Variants in STRBP observed in about 807,000 individuals in gnomAD.
The protein encoded by STRBP is spermatid perinuclear RNA-binding protein.
Under a neutral mutation model 80.1 loss-of-function variants are expected in STRBP, and 13 were observed. That is an observed-to-expected ratio of 0.16 (90% CI 0.11 to 0.26). STRBP has a LOEUF of 0.26. Among genes scored for constraint, STRBP ranks in the 10% least tolerant of loss-of-function variants. The pLI, the probability that STRBP is intolerant of heterozygous loss-of-function variation, is 1.00. For missense variants in STRBP, 485 were observed against 815.2 expected, an observed-to-expected ratio of 0.59 and a Z score of 4.93; for synonymous variants, 284 against 291.2, an observed-to-expected ratio of 0.98 and a Z score of 0.25.
chr9:123,243,265 C>CATAAAAAAAAA (rs2040733497), intron 1 of STRBP, among the ~76,000 whole-genome samples: 1 of 78,952 alleles, frequency 1.3e-5, no homozygotes, highest in African/African-American at 3.7e-5. Flanking sequence ...ATCAATAAGA[C>CATAAAAAAAAA]AAAAAAAAAA....
chr9:123,199,475 T>G (rs774560850), intron 2 of STRBP, among the ~76,000 whole-genome samples: 1 of 152,234 alleles, frequency 6.6e-6, no homozygotes, highest in African/African-American at 2.4e-5. Flanking sequence ...TTGGGCAGTA[T>G]AGTCATTTTC....
intron 2 of STRBP, among the ~76,000 whole-genome samples, chr9:123,199,872 C>A (rs1284964456): frequency 6.6e-6 from 1 of 152,102 alleles, no homozygotes; most frequent in Non-Finnish European, 1.5e-5. Context: ...TTTCTCTTGC[C>A]TAACTGATCT....
At chr9:123,128,345 C>T in intron 17 of STRBP, 87 bp from the exon 18 acceptor site, 1 of 1,487,008 alleles carries the variant, frequency 6.7e-7, no homozygotes. Context: ...TGCTCAGCAC[C>T]CTGGGCCCGG....
chr9:123,242,293 C>T (rs1470552651), intron 1 of STRBP, among the ~76,000 whole-genome samples: 1 of 152,214 alleles, frequency 6.6e-6, no homozygotes. Context: ...ACCTTTACCA[C>T]TGTATTCTGG....
At chr9:123,218,355 CTTTTTTTT>C (rs10689260) in intron 2 of STRBP, among the ~76,000 whole-genome samples, 1 of 102,436 alleles carries the variant, frequency 9.8e-6, no homozygotes, top group Non-Finnish European at 1.8e-5. Flanking sequence ...TTAAATATGA[CTTTTTTTT>C]TTTTTTTTTT....
At chr9:123,199,470 C>A (rs2039230036) in intron 2 of STRBP, among the ~76,000 whole-genome samples, 1 of 152,110 alleles carries the variant, frequency 6.6e-6, no homozygotes, top group Non-Finnish European at 1.5e-5. Context: ...TTGCTTTGGG[C>A]AGTATAGTCA....
At chr9:123,235,037 T>C (rs1054495853) in intron 2 of STRBP, among the ~76,000 whole-genome samples, 1 of 150,700 alleles carries the variant, frequency 6.6e-6, no homozygotes, top group African/African-American at 2.5e-5. Flanking sequence ...TAAATACAAG[T>C]GAACACCGGA....
At chr9:123,168,136 C>T in intron 6 of STRBP, 1 of 745,218 alleles carries the variant, frequency 1.3e-6, no homozygotes, top group South Asian at 6.1e-5. Context: ...AATTACAACA[C>T]TACTTAGAAA....
intron 1 of STRBP, among the ~76,000 whole-genome samples, chr9:123,265,084 T>TA (rs1373605655): frequency 6.6e-6 from 1 of 152,174 alleles, no homozygotes; most frequent in Non-Finnish European, 1.5e-5. Flanking sequence ...CATTATACTC[T>TA]AAAAATCTTT....
intron 3 of STRBP, chr9:123,114,142 C>T (rs1014724562): frequency 2.4e-5 from 4 of 167,064 alleles, no homozygotes; most frequent in Non-Finnish European, 5.9e-5. Context: ...TGACAGGATC[C>T]GTGTCCACAG....
intron 2 of STRBP, among the ~76,000 whole-genome samples, chr9:123,217,536 G>GT (rs1340548696): frequency 6.6e-6 from 1 of 152,120 alleles, no homozygotes; most frequent in African/African-American, 2.4e-5. Flanking sequence ...TACAACCTAA[G>GT]AACAGCACCA....
chr9:123,189,707 G>A (rs1238605871), intron 2 of STRBP, among the ~76,000 whole-genome samples: 2 of 151,696 alleles, frequency 1.3e-5, no homozygotes, highest in African/African-American at 4.8e-5. Flanking sequence ...GTGGGGTGGG[G>A]GGCTGGGGGA....
chr9:123,266,489 T>C (rs2041269309), intron 1 of STRBP, among the ~76,000 whole-genome samples: 2 of 152,000 alleles, frequency 1.3e-5, no homozygotes, highest in African/African-American at 4.8e-5. Context: ...CCTCTCCATT[T>C]AGTTATTTTT....
Position 123,174,692 on chromosome 9 carries a change from G to A in STRBP, c.225-850C>T, listed in dbSNP as rs145919683. Among the ~76,000 whole-genome samples the A allele has an allele frequency of 3.3e-4, 50 of 152,208 alleles. 1 individual carries two copies. In the East Asian group the frequency reaches 9.5e-3, roughly 29 times the overall value. ...GCTTATGGGGAAAGCAGAAAAATGTGATAAAAGTATAGAGCTAAGGAAGGA... is the reference window on the plus strand; with the variant it reads ...GCTTATGGGGAAAGCAGAAAAATGTAATAAAAGTATAGAGCTAAGGAAGGA... On this transcript the variant is annotated intron_variant, in intron 4 of 18. Transcript: ENST00000348403.
At chr9:123,213,786 A>T (rs7855184) in intron 2 of STRBP, 5 of 152,112 alleles carry the variant, frequency 3.3e-5, no homozygotes, top group Admixed American at 1.3e-4. Flanking sequence ...TTAGCCAGGC[A>T]TGGTGGTGCG....
In STRBP at chr9:123,136,151, C is replaced by T. The variant is rs759109186; in HGVS notation, c.1663G>A (p.Ala555Thr). 6.2e-6 allele frequency: 10 copies of T among 1,614,056 alleles called. No individual in the cohort carries two copies. The East Asian group carries it at 1.3e-4, about 22-fold the overall frequency. Residue 555 changes from alanine to threonine, a missense_variant, in exon 16 of 19, where the codon GCA becomes ACA. This residue lies in a region of STRBP where 23 missense variants were observed against 79.0 expected (regional missense o/e 0.29). Transcript: ENST00000348403. This position sits in a 1 kb window ranked among gnomAD's most constrained non-coding sequence, Gnocchi z 4.2. ...VEVDGQKFRG[A>T]GPNKKVAKAS... The stretch of plus-strand genomic sequence containing the variant: ...TTTGCCACTTTCTTATTTGGACCTG[C>T]GCCTCTGAATTTCTGTCCATCTACT...
chr9:123,160,781 T>C (rs1253751601), intron 7 of STRBP, among the ~76,000 whole-genome samples, 196 bp downstream of exon 7: 2 of 152,150 alleles, frequency 1.3e-5, no homozygotes, highest in Non-Finnish European at 2.9e-5. Context: ...CCAAAAAGAA[T>C]TATAATAAAA....
chr9:123,120,121 T>C (rs957017946), downstream of STRBP, among the ~76,000 whole-genome samples: 5 of 152,146 alleles, frequency 3.3e-5, no homozygotes, highest in African/African-American at 9.7e-5. Context: ...CTCTGTGCTC[T>C]GTAAATAAGG....
intron 1 of STRBP, among the ~76,000 whole-genome samples, chr9:123,259,092 C>T: frequency 6.8e-6 from 1 of 147,544 alleles, no homozygotes. Context: ...GGGATTACTG[C>T]AATAATTTGG....
Sources: gnomAD v4.1 joint callset for allele counts (sites outside exome capture counted in the v4.1 genomes callset) on GRCh38, gnomAD v4.1.1 for gene constraint, gnomAD v4.1.1 regional missense constraint, Gnocchi (gnomAD v3.1) non-coding constraint, MANE v1.5 for transcripts, NCBI Gene and HGNC (gene_info 2026-07-23, HGNC 2026-07-21) for gene names.